The following VAV3 variants were observed in gnomAD, a reference collection of about 807,000 sequenced individuals.
VAV3 encodes the protein guanine nucleotide exchange factor VAV3.
Under a neutral mutation model 131.2 loss-of-function variants are expected in VAV3, and 94 were observed. The observed-to-expected ratio is 0.72, with a 90% CI of 0.61 to 0.85. The LOEUF (loss-of-function observed/expected upper bound fraction) is 0.85, where lower values mean the gene tolerates loss of function less well. Among genes scored for constraint, VAV3 ranks in the 40% least tolerant of loss-of-function variants. VAV3 has a pLI of 0.00. For synonymous variants in VAV3, 349 were observed against 342.0 expected (o/e 1.02, Z -0.22); for missense variants, 939 against 1,002.7 (o/e 0.94, Z 0.86).
chr1:107,941,994 G>A (rs1674016008), intron 1 of VAV3, among the ~76,000 whole-genome samples: 1 of 152,052 alleles, frequency 6.6e-6, no homozygotes, highest in Non-Finnish European at 1.5e-5. Flanking sequence ...TCTCCTCCTA[G>A]AATACCCCTC....
chr1:107,808,006 C>A (rs1055932576), intron 2 of VAV3, among the ~76,000 whole-genome samples: 2 of 152,002 alleles, frequency 1.3e-5, no homozygotes, highest in Admixed American at 6.6e-5. Context: ...ATAATAATTG[C>A]GGCTATTTTC....
chr1:107,699,216 G>C (rs1196219442), intron 17 of VAV3, among the ~76,000 whole-genome samples: 1 of 152,212 alleles, frequency 6.6e-6, no homozygotes, highest in East Asian at 1.9e-4. Context: ...TTCCTCCCAA[G>C]ATACAATAGG....
chr1:107,893,538 G>C (rs1214188095), intron 1 of VAV3, among the ~76,000 whole-genome samples: 1 of 152,114 alleles, frequency 6.6e-6, no homozygotes, highest in African/African-American at 2.4e-5. Context: ...CGGAAGGTGA[G>C]GAAGAGCAAG....
chr1:107,761,734 A>G (rs1664444452), intron 9 of VAV3, among the ~76,000 whole-genome samples: 2 of 152,150 alleles, frequency 1.3e-5, no homozygotes, highest in South Asian at 4.1e-4. Context: ...GGGTCTTTTA[A>G]TTATTATCAT....
chr1:107,592,740 C>T (rs1651066065), intron 25 of VAV3, among the ~76,000 whole-genome samples: 1 of 152,072 alleles, frequency 6.6e-6, no homozygotes, highest in African/African-American at 2.4e-5. Flanking sequence ...AGCTAAGGTC[C>T]AGACAGGCTA....
intron 7 of VAV3, among the ~76,000 whole-genome samples, chr1:107,767,497 T>C (rs1000247985): frequency 6.6e-6 from 1 of 152,216 alleles, no homozygotes; most frequent in African/African-American, 2.4e-5. Flanking sequence ...GTTTATTTAG[T>C]GCTAAACCTT....
intron 1 of VAV3, among the ~76,000 whole-genome samples, chr1:107,899,622 C>T (rs949544431): frequency 6.6e-6 from 1 of 152,124 alleles, no homozygotes; most frequent in African/African-American, 2.4e-5. Flanking sequence ...TTTTCTAAGG[C>T]AGAATGATGT....
At chr1:107,657,110 A>G (rs2101603626) in intron 19 of VAV3, among the ~76,000 whole-genome samples, 1 of 151,980 alleles carries the variant, frequency 6.6e-6, no homozygotes, top group Non-Finnish European at 1.5e-5. Context: ...ATGCACCACT[A>G]CACCTGGCTG....
chr1:107,574,989 G>A (rs1649515363), intron 25 of VAV3, among the ~76,000 whole-genome samples: 1 of 35,260 alleles, frequency 2.8e-5, no homozygotes, highest in African/African-American at 6.0e-5. Context: ...GTGTGTGTGT[G>A]TGTGCGTGCG....
chr1:107,652,617 T>C (rs1656257422), intron 19 of VAV3, among the ~76,000 whole-genome samples: 1 of 152,152 alleles, frequency 6.6e-6, no homozygotes, highest in Non-Finnish European at 1.5e-5. Context: ...CTATCTCCTC[T>C]TGTTTTCATA....
At chr1:107,827,604 G>C (rs769204044) in intron 2 of VAV3, among the ~76,000 whole-genome samples, 49 of 152,138 alleles carry the variant, frequency 3.2e-4, no homozygotes, top group Non-Finnish European at 6.6e-4. Flanking sequence ...CTCGATCAAG[G>C]ACCTGGCCAC....
At chr1:107,755,794 A>G (rs1418122866) in intron 11 of VAV3, among the ~76,000 whole-genome samples, 1 of 152,192 alleles carries the variant, frequency 6.6e-6, no homozygotes, top group African/African-American at 2.4e-5. Context: ...ATATACCACA[A>G]TAGAGCAACA....
intron 10 of VAV3, among the ~76,000 whole-genome samples, chr1:107,759,178 G>A (rs1664281398): frequency 2.6e-5 from 4 of 151,964 alleles, no homozygotes; most frequent in South Asian, 2.1e-4. Flanking sequence ...CGTATATCAC[G>A]AGTGCCTAAT....
chr1:107,950,833 A>C lies in VAV3; in HGVS notation c.204+13833T>G, dbSNP rs572082205. 5.9e-5 allele frequency among the ~76,000 whole-genome samples: 9 copies of C among 152,166 alleles called. No homozygotes were observed. In the South Asian group the frequency reaches 1.9e-3, roughly 32 times the overall value. On this transcript the variant is annotated intron_variant, in intron 1 of 26. Coordinates refer to ENST00000370056, the MANE Select transcript of VAV3 (RefSeq NM_006113.5). ...CAGTCAACTAAAGAGCACAGGGAGGATAATGGCTTAGTAGATGTGAGGGAG... is the reference window on the plus strand; with the variant it reads ...CAGTCAACTAAAGAGCACAGGGAGGCTAATGGCTTAGTAGATGTGAGGGAG...
Position 107,744,493 on chromosome 1 carries a change from T to C in VAV3, c.1502+4475A>G, listed in dbSNP as rs528148072. The stretch of plus-strand genomic sequence containing the variant: ...CCTTTCATTTCCCTTCAAAAAACAC[T>C]ATGAAGGCTAATTCTGAATCTACCT... On this transcript the variant is annotated intron_variant, in intron 15 of 26. Transcript: ENST00000370056. Among the ~76,000 whole-genome samples the C allele has an allele frequency of 1.4e-3, 208 of 152,304 alleles. 1 individual carries two copies. Among genetic ancestry groups the C allele is most frequent in the Admixed American group, 3.3e-3 (50 of 15,292 alleles).
intron 15 of VAV3, among the ~76,000 whole-genome samples, chr1:107,747,974 C>T (rs1663460212): frequency 6.6e-6 from 1 of 150,534 alleles, no homozygotes; most frequent in African/African-American, 2.4e-5. Flanking sequence ...TTGTCAACAA[C>T]TGGTAAATAA....
intron 15 of VAV3, among the ~76,000 whole-genome samples, chr1:107,726,982 T>C (rs1225561068): frequency 3.9e-5 from 6 of 152,182 alleles, no homozygotes; most frequent in Admixed American, 1.3e-4. Context: ...CTAACATTAT[T>C]TTTGAAAATA....
intron 9 of VAV3, 79 bp from the exon 10 acceptor site, chr1:107,760,958 T>C (rs1664377262): frequency 4.5e-6 from 4 of 897,508 alleles, no homozygotes; most frequent in East Asian, 5.3e-5. Context: ...AGAACAGTTA[T>C]TATACAATAA....
At chr1:107,606,020 T>G (rs1003915997) in intron 22 of VAV3, among the ~76,000 whole-genome samples, 3 of 152,202 alleles carry the variant, frequency 2.0e-5, no homozygotes, top group Admixed American at 6.5e-5. Flanking sequence ...CTAAGCCTGT[T>G]GAATTACTGT....
Sources: gnomAD v4.1 joint callset for allele counts (sites outside exome capture counted in the v4.1 genomes callset) on GRCh38, gnomAD v4.1.1 for gene constraint, MANE v1.5 for transcripts, NCBI Gene and HGNC (gene_info 2026-07-23, HGNC 2026-07-21) for gene names.